PLXNC1: variants seen among roughly 807,000 people sequenced by gnomAD.
PLXNC1 encodes plexin C1, also known as plexin-C1.
In PLXNC1, 75 loss-of-function variants were observed where a neutral mutation model predicts 178.2. That is an observed-to-expected ratio of 0.42 (90% confidence interval 0.35 to 0.51). The LOEUF (loss-of-function observed/expected upper bound fraction) is 0.51. PLXNC1 is among the 20% of genes least tolerant of loss of function. PLXNC1 has a pLI of 0.02. For synonymous variants in PLXNC1, 790 were observed against 779.9 expected (o/e 1.01, Z -0.22); for missense variants, 1,503 against 1,984.4 (o/e 0.76, Z 4.61).
rs564487569 is a variant in PLXNC1, at chr12:94,155,648, T to G, written c.1062+5615T>G. The stretch of plus-strand genomic sequence containing the variant: ...TTTAAAGACTTGCCATTTTTGGGCT[T>G]AGAGTCTGAGTCTCAAAAACCTGTA... On this transcript the variant is annotated intron_variant, in intron 1 of 30. Transcript: ENST00000258526. Among the ~76,000 whole-genome samples, 5 of 152,350 alleles carry G rather than the reference T, an allele frequency of 3.3e-5. No individual in the cohort carries two copies. The East Asian group carries it at 9.6e-4, about 29-fold the overall frequency.
intron 4 of PLXNC1, among the ~76,000 whole-genome samples, chr12:94,195,470 C>G (rs939987230): frequency 6.6e-6 from 1 of 152,166 alleles, no homozygotes; most frequent in Non-Finnish European, 1.5e-5. Flanking sequence ...GGGTCCTCTT[C>G]AGAAAATGGG....
intron 23 of PLXNC1, among the ~76,000 whole-genome samples, chr12:94,285,598 A>C (rs1966791552): frequency 6.6e-6 from 1 of 152,174 alleles, no homozygotes; most frequent in South Asian, 2.1e-4. Context: ...GTTTTCTAAA[A>C]GTGTGCATTC....
Position 94,149,362 on chromosome 12 carries a change from C to T in PLXNC1, c.391C>T (p.Arg131Trp). 1 of 1,427,750 alleles carries T rather than the reference C, an allele frequency of 7.0e-7. No individual in the cohort carries two copies. Among genetic ancestry groups the T allele is most frequent in the Non-Finnish European group, 9.1e-7 (1 of 1,101,200 alleles). 88.4% of individuals were successfully genotyped at this position (1,427,750 alleles called of 1,614,324 possible). Residue 131 changes from arginine to tryptophan, a missense_variant, in exon 1 of 31, where the codon CGG becomes TGG. Around this residue, in one of 4 missense-constraint regions of PLXNC1, gnomAD observed 73 missense variants for 125.4 expected, o/e 0.58. Coordinates refer to ENST00000258526, the MANE Select transcript of PLXNC1 (RefSeq NM_005761.3). Reference sequence around the variant, plus strand: ...GCTGCTCACCGGCTGGACCTTCGACCGGGGCGCCTGCGAGGTGCGGCCCCT... The same window carrying T: ...GCTGCTCACCGGCTGGACCTTCGACTGGGGCGCCTGCGAGGTGCGGCCCCT... ...GLLLTGWTFD[R>W]GACEVRPLGN...
Position 94,259,624 on chromosome 12 carries a change from C to T in PLXNC1, c.3141C>T (p.Asn1047=), listed in dbSNP as rs376544440. ...FTEDMHNRDA[N]DKNESLTALD... ...CTTTTTATCAGAACAGAGACGCCAA[C>T]GACAAGAATGAAAGTCTCACAGCTT... is the stretch of plus-strand genomic sequence containing the variant. Residue 1047 remains asparagine (N), a synonymous_variant, in exon 19 of 31, where the codon AAC becomes AAT. Transcript: ENST00000258526. The T allele has an allele frequency of 1.3e-4, 214 of 1,606,066 alleles. 1 individual carries two copies. The Middle Eastern group carries it at 2.2e-3, about 16-fold the overall frequency.
intron 4 of PLXNC1, among the ~76,000 whole-genome samples, chr12:94,194,274 G>T (rs1470321961): frequency 6.6e-6 from 1 of 152,090 alleles, no homozygotes; most frequent in Non-Finnish European, 1.5e-5. Flanking sequence ...CTTTCACCAG[G>T]CCCCACCTCC....
At chr12:94,296,742 C>T (rs1218768130) in intron 24 of PLXNC1, among the ~76,000 whole-genome samples, 1 of 152,214 alleles carries the variant, frequency 6.6e-6, no homozygotes, top group Admixed American at 6.5e-5. Context: ...AATTCTTTAG[C>T]ATATAATTCT....
At chr12:94,268,794 C>A (rs185375973) in intron 21 of PLXNC1, among the ~76,000 whole-genome samples, 2 of 151,778 alleles carry the variant, frequency 1.3e-5, no homozygotes, top group African/African-American at 2.4e-5. Flanking sequence ...GGGTTTTCGC[C>A]GTGTTGGCTA....
Position 94,301,233 on chromosome 12 carries a change from AT to A in PLXNC1, c.4386+183del, listed in dbSNP as rs370961776. 1.7e-3 allele frequency among the ~76,000 whole-genome samples: 259 copies of A among 152,302 alleles called. 8 individuals are homozygous for A. The South Asian group carries it at 0.053, about 31-fold the overall frequency. On this transcript the variant is annotated intron_variant, in intron 28 of 30. Coordinates refer to ENST00000258526, the MANE Select transcript of PLXNC1 (RefSeq NM_005761.3). ...AATCTGTCTCATTATTTTTAATCTA[AT>A]TTTTTTAAAGTGAAAAACAAAATAA...
At chr12:94,251,571 G>T in intron 15 of PLXNC1, 43 bp downstream of exon 15, 1 of 1,268,110 alleles carries the variant, frequency 7.9e-7, no homozygotes, top group Non-Finnish European at 1.2e-6. Context: ...TATTCCCTGG[G>T]GCCTCTCGCC....
chr12:94,181,839 C>T (rs1962319018), intron 3 of PLXNC1, among the ~76,000 whole-genome samples: 1 of 151,938 alleles, frequency 6.6e-6, no homozygotes, highest in African/African-American at 2.4e-5. Context: ...GGAGGGTGTG[C>T]TTGGAAATGG....
chr12:94,307,625 G>GA lies in PLXNC1; in HGVS notation c.*2342dup, dbSNP rs1593044782. On this transcript the variant is annotated 3_prime_UTR_variant, in exon 31 of 31. Coordinates refer to ENST00000258526, the MANE Select transcript of PLXNC1 (RefSeq NM_005761.3). ...CCTGATTGAAGCTGTTCTTGGAGAT[G>GA]AATGTTTTAAATGTCTATATCCAAA... 2 of 150,946 alleles carry GA rather than the reference G, an allele frequency of 1.3e-5. No individual in the cohort carries two copies. The highest frequency in any genetic ancestry group is 4.9e-5 in the African/African-American group (2 of 41,068). 9.4% of individuals were successfully genotyped at this position (150,946 alleles called of 1,614,324 possible). A position where few individuals can be genotyped will look rare whatever the true frequency, so the allele number is the denominator to read the frequency against.
chr12:94,242,150 G>A (rs1286305947), intron 11 of PLXNC1, among the ~76,000 whole-genome samples: 1 of 152,018 alleles, frequency 6.6e-6, no homozygotes, highest in Non-Finnish European at 1.5e-5. Flanking sequence ...TTAAACAACA[G>A]AAATTTCTTT....
chr12:94,305,385 A>G lies in PLXNC1; in HGVS notation c.*100A>G. On this transcript the variant is annotated 3_prime_UTR_variant, in exon 31 of 31. Transcript: ENST00000258526. ...TGTGTCGTTAATTTGTTGTTTGCAC[A>G]TAGGTTCCACTTTGGGCACTGTCTT... 1.4e-6 allele frequency: 1 copy of G among 691,224 alleles called. No individual in the cohort carries two copies. Among genetic ancestry groups the G allele is most frequent in the Non-Finnish European group, 2.5e-6 (1 of 394,866 alleles). 42.8% of individuals were successfully genotyped at this position (691,224 alleles called of 1,614,324 possible).
intron 9 of PLXNC1, among the ~76,000 whole-genome samples, chr12:94,235,899 T>C (rs1471520506): frequency 1.3e-5 from 2 of 152,220 alleles, no homozygotes; most frequent in African/African-American, 4.8e-5. Context: ...ATAGATCATG[T>C]GTCCCCCACA....
intron 5 of PLXNC1, among the ~76,000 whole-genome samples, chr12:94,212,273 C>CAAAAAA (rs146191533): frequency 7.9e-5 from 7 of 89,136 alleles, no homozygotes; most frequent in African/African-American, 1.8e-4. Flanking sequence ...GACTCCGTCT[C>CAAAAAA]AAAAAAAAAA....
At position 94,181,952 on chromosome 12, in the gene PLXNC1, G is replaced by C. The variant is rs141948379; in HGVS notation, c.1338+372G>C. ...CCCAATGGGACTGGCTTTGGAATTT[G>C]GGGTTAATATCAGGCCACAGTCTCA... is the stretch of plus-strand genomic sequence containing the variant. On this transcript the variant is annotated intron_variant, in intron 3 of 30. Transcript: ENST00000258526. 3.4e-4 allele frequency among the ~76,000 whole-genome samples: 51 copies of C among 152,132 alleles called. No homozygotes were observed. The East Asian group carries it at 7.0e-3, about 21-fold the overall frequency.
intron 4 of PLXNC1, among the ~76,000 whole-genome samples, chr12:94,189,543 G>A (rs932569815): frequency 1.3e-5 from 2 of 152,146 alleles, no homozygotes; most frequent in Admixed American, 6.5e-5. Context: ...AGCTGAGTGT[G>A]GTGGTATGTG....
chr12:94,274,155 T>TTAAAAAA lies in PLXNC1; in HGVS notation c.3598-5317_3598-5316insTAAAAAA, dbSNP rs1190908348. Among the ~76,000 whole-genome samples the TTAAAAAA allele has an allele frequency of 6.6e-5, 3 of 45,376 alleles. 1 individual carries two copies. Among genetic ancestry groups the TTAAAAAA allele is most frequent in the African/African-American group, 3.5e-4 (3 of 8,466 alleles). The allele number at this position is 45,376 out of a possible 152,430, so 29.8% of individuals were successfully genotyped here. ...GGGCAACACAGCAAGACCCTGTCTC[T>TTAAAAAA]AAAAAAAAAAAAAAAAAAAAAAAAA... On this transcript the variant is annotated intron_variant, in intron 21 of 30. Coordinates refer to ENST00000258526, the MANE Select transcript of PLXNC1 (RefSeq NM_005761.3).
At chr12:94,169,407 T>C in intron 2 of PLXNC1, 114 bp downstream of exon 2, 1 of 849,854 alleles carries the variant, frequency 1.2e-6, no homozygotes, top group Non-Finnish European at 1.9e-6. Context: ...AAGAACTTCA[T>C]GAACTCCTTA....
Sources: gnomAD v4.1 joint callset for allele counts (sites outside exome capture counted in the v4.1 genomes callset) on GRCh38, gnomAD v4.1.1 for gene constraint, gnomAD v4.1.1 regional missense constraint, MANE v1.5 for transcripts, NCBI Gene and HGNC (gene_info 2026-07-23, HGNC 2026-07-21) for gene names.